GRID2IP: variants seen among roughly 807,000 people sequenced by gnomAD.
GRID2IP encodes Grid2 interacting protein, also known as delphilin.
GRID2IP carries 78 observed loss-of-function variants against 114.3 expected under a neutral mutation model. The ratio of observed to expected loss-of-function variants is 0.68; its 90% confidence interval spans 0.57 to 0.82. The LOEUF is 0.82. Ranked by LOEUF, GRID2IP falls within the 40% of genes least tolerant of loss-of-function variation. The pLI, the probability that GRID2IP is intolerant of heterozygous loss-of-function variation, is 0.00. For missense variants in GRID2IP, 1,727 were observed against 1,678.5 expected (o/e 1.03, Z -0.51); for synonymous variants, 809 against 724.0 (o/e 1.12, Z -1.89).
At position 6,510,921 on chromosome 7, in the gene GRID2IP, G is replaced by A. The variant is rs767361728; in HGVS notation, c.1542C>T (p.Ala514=). The A allele has an allele frequency of 6.5e-5, 101 of 1,549,378 alleles. No individual in the cohort carries two copies. The highest frequency in any genetic ancestry group is 8.1e-5 in the Non-Finnish European group (93 of 1,145,886). Residue 514 remains alanine (A), a synonymous_variant, in exon 9 of 22, where the codon GCC becomes GCT. Transcript: ENST00000457091. ...RRSLRSQGLE[A]GLSCGPSECP... ...CACCAGCCTTACCGCAGCTGAGGCC[G>A]GCCTCCAGGCCCTGGGACCGGAGGC...
At chr7:6,545,666 G>A (rs1277392430) in intron 1 of GRID2IP, among the ~76,000 whole-genome samples, 1 of 152,240 alleles carries the variant, frequency 6.6e-6, no homozygotes, top group Non-Finnish European at 1.5e-5. Context: ...CCACCCAGGT[G>A]TGATGATCCG....
rs1260132930 is a variant in GRID2IP at position 6,516,811 on chromosome 7, G to T, written c.1269-2282C>A. Among the ~76,000 whole-genome samples, 1 of 152,160 alleles carries T rather than the reference G, an allele frequency of 6.6e-6. No individual in the cohort carries two copies. The highest frequency in any genetic ancestry group is 2.4e-5 in the African/African-American group (1 of 41,434). ...CATAGAAGAAATAATTACGTAAGCT[G>T]TCCCCTCTTTCTCTCCGCCTCAGCT... On this transcript the variant is annotated intron_variant, in intron 7 of 21. Coordinates refer to ENST00000457091, the MANE Select transcript of GRID2IP (RefSeq NM_001145118.2). The surrounding 1 kb of genome is among the most constrained non-coding windows in gnomAD (Gnocchi z 4.3).
Position 6,501,830 on chromosome 7 carries a change from C to T in GRID2IP, c.3350G>A (p.Cys1117Tyr). ...HGTISEIQDACQSISPSSEDK... is the reference protein window; with the variant it reads ...HGTISEIQDAYQSISPSSEDK... ...CTCGCTAGAGGGGGAAATGCTCTGGCAGGCATCCTGTATCTCGCTGATAGT... is the reference window on the plus strand; with the variant it reads ...CTCGCTAGAGGGGGAAATGCTCTGGTAGGCATCCTGTATCTCGCTGATAGT... The change falls in exon 20 of 22, where the codon TGC becomes TAC. Residue 1117 changes from cysteine to tyrosine, a missense_variant. Transcript: ENST00000457091. 2 of 1,551,534 alleles carry T rather than the reference C, an allele frequency of 1.3e-6. No individual in the cohort carries two copies. Among genetic ancestry groups the T allele is most frequent in the Non-Finnish European group, 1.7e-6 (2 of 1,146,980 alleles).
In GRID2IP at chr7:6,534,426, G is replaced by A. The variant is rs539872095; in HGVS notation, c.584+5292C>T. Among the ~76,000 whole-genome samples the A allele has an allele frequency of 1.3e-5, 2 of 152,306 alleles. No homozygotes were observed. The highest frequency in any genetic ancestry group is 1.9e-4 in the East Asian group (1 of 5,186). ...CATTTTCTCACTTCATCAGACCGGG[G>A]TCCCTTTGGGGAGAGACCCAAATTA... On this transcript the variant is annotated intron_variant, in intron 2 of 21. Coordinates refer to ENST00000457091, the MANE Select transcript of GRID2IP (RefSeq NM_001145118.2). This position sits in a 1 kb window ranked among gnomAD's most constrained non-coding sequence, Gnocchi z 4.5.
At chr7:6,535,951 G>A (rs139834775) in intron 2 of GRID2IP, among the ~76,000 whole-genome samples, 3,331 of 152,190 alleles carry the variant, frequency 0.022, 60 homozygotes, top group Middle Eastern at 0.061. Context: ...CCACAGCACC[G>A]CCACCTCCTG....
Position 6,509,898 on chromosome 7 carries a change from A to T in GRID2IP, c.1771+385T>A, listed in dbSNP as rs1455202539. On this transcript the variant is annotated intron_variant, in intron 11 of 21. Transcript: ENST00000457091. The surrounding 1 kb of genome is among the most constrained non-coding windows in gnomAD (Gnocchi z 4.9). ...AGGCTAGAGTGCAGTGGTTCGAAAT[A>T]GCTCACTGCAGCCTTGAACTCCTGG... 1.3e-5 allele frequency among the ~76,000 whole-genome samples: 2 copies of T among 152,170 alleles called. No homozygotes were observed. The highest frequency in any genetic ancestry group is 2.4e-5 in the African/African-American group (1 of 41,440).
rs1295717062 is a variant in GRID2IP at position 6,539,818 on chromosome 7, G to A, written c.484C>T (p.Leu162=). The change falls in exon 2 of 22, where the codon CTG becomes TTG. Residue 162 remains leucine, a synonymous_variant. Transcript: ENST00000457091. ...CGCTGCTCAGCTGCAAACTGCTTCA[G>A]TGCAGCGAACACCTGCTCCTTGGCA... ...PTAKEQVFAA[L]KQFAAEQRVD... 3.2e-6 allele frequency: 5 copies of A among 1,551,192 alleles called. No individual in the cohort carries two copies. Among genetic ancestry groups the A allele is most frequent in the Non-Finnish European group, 4.4e-6 (5 of 1,146,946 alleles).
chr7:6,510,474 G>T, intron 10 of GRID2IP, 74 bp from the exon 11 acceptor site: 1 of 1,350,782 alleles, frequency 7.4e-7, no homozygotes, highest in Non-Finnish European at 9.9e-7. Context: ...GGCCTGGGTG[G>T]GCCGGGAGGC....
intron 2 of GRID2IP, among the ~76,000 whole-genome samples, chr7:6,533,308 A>G (rs562418672): frequency 1.3e-5 from 2 of 152,204 alleles, no homozygotes; most frequent in Admixed American, 1.3e-4. Context: ...TTGAGCACAT[A>G]TTTTATGCCT....
In GRID2IP at chr7:6,536,715, C is replaced by G. The variant is rs950576986; in HGVS notation, c.584+3003G>C. On this transcript the variant is annotated intron_variant, in intron 2 of 21. Coordinates refer to ENST00000457091, the MANE Select transcript of GRID2IP (RefSeq NM_001145118.2). The surrounding 1 kb of genome is among the most constrained non-coding windows in gnomAD (Gnocchi z 5.3). Reference sequence around the variant, plus strand: ...GGGGGCTGCCTGTCAATCAGCTCCCCAGGAAGCGCTCAGAGCCAGCGCATC... The same window carrying G: ...GGGGGCTGCCTGTCAATCAGCTCCCGAGGAAGCGCTCAGAGCCAGCGCATC... 9 of 685,418 alleles carry G rather than the reference C, an allele frequency of 1.3e-5. No individual in the cohort carries two copies. The highest frequency in any genetic ancestry group is 1.8e-5 in the African/African-American group (1 of 56,714). The allele number at this position is 685,418 out of a possible 1,614,324, so 42.5% of individuals were successfully genotyped here.
chr7:6,533,153 G>C (rs953459921), intron 2 of GRID2IP, among the ~76,000 whole-genome samples: 8 of 152,158 alleles, frequency 5.3e-5, no homozygotes, highest in African/African-American at 1.9e-4. Flanking sequence ...CTAGGGGGTA[G>C]AGGCCTGGGA....
chr7:6,497,657 G>T lies in GRID2IP; in HGVS notation c.*117C>A. ...CGGCGGCTGAGGTAGCTGCAGGAGA[G>T]GCTGGCGGTGTGCTCAGAGCCCGGG... On this transcript the variant is annotated 3_prime_UTR_variant, in exon 22 of 22. Coordinates refer to ENST00000457091, the MANE Select transcript of GRID2IP (RefSeq NM_001145118.2). The T allele has an allele frequency of 1.4e-6, 1 of 698,616 alleles. No homozygotes were observed. Among genetic ancestry groups the T allele is most frequent in the Non-Finnish European group, 2.3e-6 (1 of 427,118 alleles). The allele number at this position is 698,616 out of a possible 1,614,324, so 43.3% of individuals were successfully genotyped here. A position where few individuals can be genotyped will look rare whatever the true frequency, so the allele number is the denominator to read the frequency against.
chr7:6,518,457 G>A (rs1323661824), intron 7 of GRID2IP, among the ~76,000 whole-genome samples: 2 of 152,068 alleles, frequency 1.3e-5, no homozygotes. Flanking sequence ...GCAAAAATAG[G>A]CCGGGTGTCG....
Position 6,503,593 on chromosome 7 carries a change from C to A in GRID2IP, c.2805G>T (p.Ala935=), listed in dbSNP as rs1786480926. Residue 935 remains alanine, a synonymous_variant, in exon 16 of 22, where the codon GCG becomes GCT. Transcript: ENST00000457091. The part of the protein sequence containing the change: ...EPRRLEPAHL[A]QLLLFAPDAD... ...CGTCGGGCGCGAAGAGCAGCAGCTG[C>A]GCGAGATGTGCGGGCTCCAGGCGCC... 7 of 1,529,280 alleles carry A rather than the reference C, an allele frequency of 4.6e-6. No homozygotes were observed. Among genetic ancestry groups the A allele is most frequent in the African/African-American group, 1.4e-5 (1 of 71,876 alleles). The allele number at this position is 1,529,280 out of a possible 1,614,324, so 94.7% of individuals were successfully genotyped here. A position where few individuals can be genotyped will look rare whatever the true frequency, so the allele number is the denominator to read the frequency against.
At chr7:6,503,204 T>A in intron 16 of GRID2IP, 41 bp from the exon 17 acceptor site, 1 of 944,182 alleles carries the variant, frequency 1.1e-6, no homozygotes, top group Non-Finnish European at 1.4e-6. Context: ...ATCCCCTTCC[T>A]GGGACCCTCT....
chr7:6,521,758 G>C lies in GRID2IP; in HGVS notation c.989+130C>G. On this transcript the variant is annotated intron_variant, in intron 5 of 21. Coordinates refer to ENST00000457091, the MANE Select transcript of GRID2IP (RefSeq NM_001145118.2). This position sits in a 1 kb window ranked among gnomAD's most constrained non-coding sequence, Gnocchi z 4.1. Reference sequence around the variant, plus strand: ...AGATTCAAGAGTTCCCATTGGAAGAGGGACAGACCCTGGGGACCAAATGGT... The same window carrying C: ...AGATTCAAGAGTTCCCATTGGAAGACGGACAGACCCTGGGGACCAAATGGT... The C allele has an allele frequency of 1.3e-6, 1 of 742,262 alleles. No individual in the cohort carries two copies. The highest frequency in any genetic ancestry group is 2.3e-6 in the Non-Finnish European group (1 of 443,058). The allele number at this position is 742,262 out of a possible 1,614,324, so 46.0% of individuals were successfully genotyped here. A position where few individuals can be genotyped will look rare whatever the true frequency, so the allele number is the denominator to read the frequency against.
chr7:6,503,850 GA>G (rs1786492166), intron 15 of GRID2IP, among the ~76,000 whole-genome samples, 163 bp from the exon 16 acceptor site: 1 of 151,806 alleles, frequency 6.6e-6, no homozygotes, highest in Admixed American at 6.6e-5. Context: ...CGCGGACGGG[GA>G]CAAGAGGCTG....
Position 6,506,055 on chromosome 7 carries a change from C to T in GRID2IP, c.2545-148G>A. 4.8e-6 allele frequency: 3 copies of T among 620,248 alleles called. No individual in the cohort carries two copies. Among genetic ancestry groups the T allele is most frequent in the South Asian group, 3.9e-5 (2 of 51,828 alleles). The allele number at this position is 620,248 out of a possible 1,614,324, so 38.4% of individuals were successfully genotyped here. A position where few individuals can be genotyped will look rare whatever the true frequency, so the allele number is the denominator to read the frequency against. ...GGATAAAGCCCGGAGCAGGAGGAGA[C>T]TGCAGGAGAAGCCAGATCATCCGAG... On this transcript the variant is annotated intron_variant, in intron 13 of 21. Transcript: ENST00000457091. This position sits in a 1 kb window ranked among gnomAD's most constrained non-coding sequence, Gnocchi z 5.2.
chr7:6,503,341 G>C, intron 16 of GRID2IP, 150 bp downstream of exon 16: 1 of 980,416 alleles, frequency 1.0e-6, no homozygotes, highest in Non-Finnish European at 1.5e-6. Flanking sequence ...CCCCTGATAG[G>C]ACCCGGCCAT....
Sources: gnomAD v4.1 joint callset for allele counts (sites outside exome capture counted in the v4.1 genomes callset) on GRCh38, gnomAD v4.1.1 for gene constraint, Gnocchi (gnomAD v3.1) non-coding constraint, MANE v1.5 for transcripts, NCBI Gene and HGNC (gene_info 2026-07-23, HGNC 2026-07-21) for gene names.